Variants in KLC1 observed in about 807,000 individuals in gnomAD.
The protein encoded by KLC1 is kinesin 2 60/70kDa.
A neutral mutation model predicts 84.2 loss-of-function variants in KLC1; 30 were observed. The ratio of observed to expected loss-of-function variants is 0.36; its 90% CI spans 0.27 to 0.48. The LOEUF is 0.48. KLC1 is among the 20% of genes least tolerant of loss of function. The pLI is 0.99. For missense variants in KLC1, 499 were observed against 805.4 expected (o/e 0.62, Z 4.60); for synonymous variants, 289 against 293.3 (o/e 0.99, Z 0.15).
At chr14:103,696,235 G>A in intron 15 of KLC1, 2 of 985,366 alleles carry the variant, frequency 2.0e-6, no homozygotes, top group South Asian at 9.4e-5. Context: ...AGGCCCCTGG[G>A]GAAGTCCTGT....
chr14:103,648,357 C>T (rs1275486257), intron 1 of KLC1, among the ~76,000 whole-genome samples: 1 of 152,120 alleles, frequency 6.6e-6, no homozygotes, highest in Non-Finnish European at 1.5e-5. Flanking sequence ...ATTTTTTACT[C>T]CTGGCAAGTT....
chr14:103,674,682 T>C (rs1287736237), intron 9 of KLC1, among the ~76,000 whole-genome samples: 11 of 152,204 alleles, frequency 7.2e-5, no homozygotes, highest in Non-Finnish European at 1.6e-4. Context: ...CCCAAAGTGC[T>C]GGGATTACAG....
intron 15 of KLC1, chr14:103,696,094 C>CGGGGGGGG: frequency 1.1e-5 from 2 of 185,184 alleles, no homozygotes; most frequent in Non-Finnish European, 1.3e-5. Flanking sequence ...ATCACTGCGC[C>CGGGGGGGG]CCCGCCCCCC....
intron 1 of KLC1, among the ~76,000 whole-genome samples, chr14:103,642,480 G>T (rs572922622): frequency 2.4e-4 from 37 of 152,112 alleles, no homozygotes; most frequent in Non-Finnish European, 3.2e-4. Flanking sequence ...TTAAGTCAGG[G>T]TTATGAGTTT....
At chr14:103,645,036 T>C (rs1440249155) in intron 1 of KLC1, among the ~76,000 whole-genome samples, 1 of 151,794 alleles carries the variant, frequency 6.6e-6, no homozygotes, top group Non-Finnish European at 1.5e-5. Context: ...TGCAATGGGG[T>C]GATCTTGGCT....
At chr14:103,699,579 G>C in intron 15 of KLC1, 1 of 1,613,144 alleles carries the variant, frequency 6.2e-7, no homozygotes, top group Non-Finnish European at 8.5e-7. Context: ...AAGGTGTCCT[G>C]TGGGGACAGC....
At position 103,675,770 on chromosome 14, in the gene KLC1, T is replaced by TG. The variant is rs775143710; in HGVS notation, c.1379+15dup. 2.5e-5 allele frequency: 40 copies of TG among 1,612,120 alleles called. 1 individual carries two copies. The highest frequency in any genetic ancestry group is 1.7e-4 in the South Asian group (15 of 90,864). On this transcript the variant is annotated intron_variant, in intron 11 of 16. Transcript: ENST00000334553. Reference sequence around the variant, plus strand: ...CAAAGTTGATAGGTATGTCTGGAATTGCGTTTGGCTGGAAAAACCAAAAAG... The same window carrying TG: ...CAAAGTTGATAGGTATGTCTGGAATTGGCGTTTGGCTGGAAAAACCAAAAAG...
intron 12 of KLC1, 144 bp from the exon 13 acceptor site, chr14:103,679,240 T>C: frequency 9.0e-7 from 1 of 1,115,436 alleles, no homozygotes; most frequent in Non-Finnish European, 1.3e-6. Flanking sequence ...CCTCACCCCC[T>C]CCAAGGAACC....
chr14:103,683,393 GTCTCAGTTGGCTC>G (rs1177013270), intron 13 of KLC1: 1 of 152,214 alleles, frequency 6.6e-6, no homozygotes, highest in Non-Finnish European at 1.5e-5. Context: ...GTCACCGTGA[GTCTCAGTTGGCTC>G]TCTCTCACGG....
At chr14:103,698,539 C>T in intron 15 of KLC1, 1 of 538,296 alleles carries the variant, frequency 1.9e-6, no homozygotes, top group African/African-American at 1.9e-5. Flanking sequence ...TCCCCAAGGG[C>T]CAGCTCAGCA....
chr14:103,673,922 CAA>C (rs113413878), intron 9 of KLC1, among the ~76,000 whole-genome samples: 5 of 133,968 alleles, frequency 3.7e-5, no homozygotes, highest in African/African-American at 2.7e-5. Flanking sequence ...GACTCTGTCT[CAA>C]AAAAAAAAAA....
At chr14:103,699,264 GGCCACCTCACT>G (rs1567048363) in intron 15 of KLC1, 2 of 1,539,946 alleles carry the variant, frequency 1.3e-6, no homozygotes, top group East Asian at 2.4e-5. Flanking sequence ...AGGAGCCGGA[GGCCACCTCACT>G]GCCACCCGCC....
intron 13 of KLC1, chr14:103,686,197 C>G (rs2081770075): frequency 1.0e-6 from 1 of 986,744 alleles, no homozygotes; most frequent in African/African-American, 1.7e-5. Flanking sequence ...TTGTGTCTTT[C>G]TAACTTCTAA....
At chr14:103,634,071 G>C (rs1476172214) in intron 1 of KLC1, among the ~76,000 whole-genome samples, 1 of 152,180 alleles carries the variant, frequency 6.6e-6, no homozygotes, top group East Asian at 1.9e-4. Context: ...ATTTCACCAT[G>C]TTGGCCAGGC....
intron 16 of KLC1, 120 bp from the exon 17 acceptor site, chr14:103,701,081 C>CA: frequency 1.6e-6 from 2 of 1,266,276 alleles, no homozygotes; most frequent in Non-Finnish European, 2.2e-6. Context: ...CAACCAGCAA[C>CA]ACCCTCTTCT....
In KLC1 at chr14:103,677,558, G is replaced by A. The variant is rs1315900827; in HGVS notation, c.1488+35G>A. 6 of 1,276,112 alleles carry A rather than the reference G, an allele frequency of 4.7e-6. No homozygotes were observed. In the South Asian group the frequency reaches 7.4e-5, roughly 16 times the overall value. The allele number at this position is 1,276,112 out of a possible 1,614,324, so 79.0% of individuals were successfully genotyped here. ...ACTTCTGTCCTTAACCGGCCCATGG[G>A]AACTTTGAATTGAATGCTTCTCTTT... On this transcript the variant is annotated intron_variant, in intron 12 of 16. Coordinates refer to ENST00000334553, the MANE Select transcript of KLC1 (RefSeq NM_001394837.1).
At chr14:103,674,303 C>T (rs1468344913) in intron 9 of KLC1, among the ~76,000 whole-genome samples, 2 of 152,160 alleles carry the variant, frequency 1.3e-5, no homozygotes, top group Non-Finnish European at 1.5e-5. Flanking sequence ...TTTTCATAAA[C>T]ATTACTTTTA....
chr14:103,647,302 C>T (rs1460410810), intron 1 of KLC1, among the ~76,000 whole-genome samples: 2 of 152,028 alleles, frequency 1.3e-5, no homozygotes, highest in African/African-American at 2.4e-5. Context: ...CGGCTTACTG[C>T]AACCTCCACT....
intron 5 of KLC1, among the ~76,000 whole-genome samples, chr14:103,669,149 T>C (rs1270496071): frequency 6.6e-6 from 1 of 151,810 alleles, no homozygotes; most frequent in Non-Finnish European, 1.5e-5. Context: ...AAAAAAGCTG[T>C]AGTGAGGCCG....
Sources: gnomAD v4.1 joint callset for allele counts (sites outside exome capture counted in the v4.1 genomes callset) on GRCh38, gnomAD v4.1.1 for gene constraint, MANE v1.5 for transcripts, NCBI Gene and HGNC (gene_info 2026-07-23, HGNC 2026-07-21) for gene names.